The following CLEC5A variants were observed in gnomAD, a reference collection of about 807,000 sequenced individuals.
CLEC5A encodes the protein C-type lectin domain family 5 member A.
A neutral mutation model predicts 24.4 loss-of-function variants in CLEC5A; 15 were observed. The observed-to-expected ratio is 0.62, with a 90% CI of 0.41 to 0.95. The LOEUF is 0.95. Ranked by LOEUF, CLEC5A falls within the 40% of genes least tolerant of loss-of-function variation. The pLI, the probability that CLEC5A is intolerant of heterozygous loss-of-function variation, is 0.00. For missense variants in CLEC5A, 211 were observed against 224.0 expected, an observed-to-expected ratio of 0.94 and a Z score of 0.37; for synonymous variants, 71 against 72.6, an observed-to-expected ratio of 0.98 and a Z score of 0.11.
chr7:141,944,585 A>T (rs1802896280), intron 3 of CLEC5A, among the ~76,000 whole-genome samples: 1 of 152,128 alleles, frequency 6.6e-6, no homozygotes, highest in Non-Finnish European at 1.5e-5. Context: ...AGAAATCCAT[A>T]TAGGGGCCTC....
chr7:141,932,695 T>C (rs1423552510), intron 5 of CLEC5A, among the ~76,000 whole-genome samples: 1 of 152,206 alleles, frequency 6.6e-6, no homozygotes, highest in Non-Finnish European at 1.5e-5. Flanking sequence ...AACAAATATA[T>C]TTCTCCTCAA....
At chr7:141,932,043 G>C (rs1401004505) in intron 5 of CLEC5A, among the ~76,000 whole-genome samples, 1 of 152,166 alleles carries the variant, frequency 6.6e-6, no homozygotes, top group African/African-American at 2.4e-5. Flanking sequence ...ACAGACTGCT[G>C]GGCTCCTGGT....
intron 4 of CLEC5A, among the ~76,000 whole-genome samples, chr7:141,941,617 T>C (rs1022012655): frequency 6.6e-5 from 10 of 152,176 alleles, no homozygotes; most frequent in Middle Eastern, 3.4e-3. Context: ...GGCATCCAAA[T>C]TGGAAAGGAT....
rs1554441062 is a variant in CLEC5A, at chr7:141,936,120, CAAT to C, written c.209-173_209-171del. On this transcript the variant is annotated intron_variant, in intron 4 of 6. Coordinates refer to ENST00000546910, the MANE Select transcript of CLEC5A (RefSeq NM_013252.3). ...CACCCAGTCTAGTCTGGTTCCTTGACAATAATATAAGGAGAATAAGGAGAAGAG... is the reference window on the plus strand; with the variant it reads ...CACCCAGTCTAGTCTGGTTCCTTGACAATATAAGGAGAATAAGGAGAAGAG... 21 of 631,850 alleles carry C rather than the reference CAAT, an allele frequency of 3.3e-5. No homozygotes were observed. The Middle Eastern group carries it at 1.2e-3, about 35-fold the overall frequency. 39.1% of individuals were successfully genotyped at this position (631,850 alleles called of 1,614,324 possible).
At chr7:141,946,349 G>A (rs1227256618) in intron 1 of CLEC5A, 37 bp from the exon 2 acceptor site, 2 of 1,534,598 alleles carry the variant, frequency 1.3e-6, no homozygotes, top group South Asian at 1.2e-5. Flanking sequence ...CAGAATTCGG[G>A]TACAAGGCTG....
rs1802382231 is a variant in CLEC5A, at chr7:141,929,240, G to A, written c.*864C>T. The A allele has an allele frequency of 6.6e-6, 1 of 152,160 alleles. No individual in the cohort carries two copies. The highest frequency in any genetic ancestry group is 1.5e-5 in the Non-Finnish European group (1 of 68,064). 9.4% of individuals were successfully genotyped at this position (152,160 alleles called of 1,614,324 possible). A position where few individuals can be genotyped will look rare whatever the true frequency, so the allele number is the denominator to read the frequency against. On this transcript the variant is annotated 3_prime_UTR_variant, in exon 7 of 7. Coordinates refer to ENST00000546910, the MANE Select transcript of CLEC5A (RefSeq NM_013252.3). Reference sequence around the variant, plus strand: ...ATCAGGCTTTCTCCAGAACTGAAGGGATGAATATATTGTGATTATTGTTGC... The same window carrying A: ...ATCAGGCTTTCTCCAGAACTGAAGGAATGAATATATTGTGATTATTGTTGC...
At chr7:141,939,219 A>G (rs1195870161) in intron 4 of CLEC5A, among the ~76,000 whole-genome samples, 1 of 152,190 alleles carries the variant, frequency 6.6e-6, no homozygotes, top group Non-Finnish European at 1.5e-5. Flanking sequence ...ACTTTTCAAG[A>G]CATAGACAGT....
At position 141,945,358 on chromosome 7, in the gene CLEC5A, G is replaced by A; in HGVS notation, c.122C>T (p.Thr41Ile). 6.2e-7 allele frequency: 1 copy of A among 1,612,106 alleles called. No individual in the cohort carries two copies. The highest frequency in any genetic ancestry group is 8.5e-7 in the Non-Finnish European group (1 of 1,178,316). The change falls in exon 3 of 7, where the codon ACC becomes ATC. Residue 41 changes from threonine (T) to isoleucine (I), a missense_variant. Physicochemically the swap from Thr to Ile is moderately conservative, Grantham distance 89. Coordinates refer to ENST00000546910, the MANE Select transcript of CLEC5A (RefSeq NM_013252.3). ...FNKSNDGFTT[T>I]RSYGTVSQIF... The stretch of plus-strand genomic sequence containing the variant: ...CAGATTACCTGTTCCATAGCTCCTG[G>A]TGGTGGTGAAACCATCGTTACTTTT...
At position 141,931,795 on chromosome 7, in the gene CLEC5A, T is replaced by C. The variant is rs1554440411; in HGVS notation, c.377A>G (p.Lys126Arg). 2.5e-6 allele frequency: 4 copies of C among 1,604,808 alleles called. No homozygotes were observed. Among genetic ancestry groups the C allele is most frequent in the South Asian group, 2.2e-5 (2 of 90,684 alleles). ...ATGGTAAATTAAGCCAATAAAATAC[T>C]TCTCAGCATCAGTTATGTCCTGAAG... ...KFLQDITDAEKYFIGLIYHRE... is the reference protein window; with the variant it reads ...KFLQDITDAERYFIGLIYHRE... Residue 126 changes from lysine to arginine, a missense_variant, in exon 6 of 7, where the codon AAG becomes AGG. Coordinates refer to ENST00000546910, the MANE Select transcript of CLEC5A (RefSeq NM_013252.3).
At chr7:141,931,928 G>A (rs576650864) in intron 5 of CLEC5A, 102 bp from the exon 6 acceptor site, 2 of 598,340 alleles carry the variant, frequency 3.3e-6, no homozygotes, top group Non-Finnish European at 5.9e-6. Context: ...AGGAAGGCCG[G>A]TAGAGAACTC....
chr7:141,934,883 G>C (rs1802573246), intron 5 of CLEC5A, among the ~76,000 whole-genome samples: 1 of 152,072 alleles, frequency 6.6e-6, no homozygotes, highest in Non-Finnish European at 1.5e-5. Context: ...GATGTGTTTT[G>C]GTCAAGCAAA....
At chr7:141,936,126 T>C (rs1333283092) in intron 4 of CLEC5A, 176 bp from the exon 5 acceptor site, 3 of 621,788 alleles carry the variant, frequency 4.8e-6, no homozygotes, top group Non-Finnish European at 8.4e-6. Context: ...TTGACAATAA[T>C]ATAAGGAGAA....
intron 4 of CLEC5A, among the ~76,000 whole-genome samples, chr7:141,937,458 A>G (rs1802664781): frequency 6.6e-6 from 1 of 152,120 alleles, no homozygotes; most frequent in Non-Finnish European, 1.5e-5. Context: ...AGGGGAGGGA[A>G]GAGTGGAAAG....
chr7:141,936,029 T>A, intron 4 of CLEC5A, 79 bp from the exon 5 acceptor site: 4 of 1,202,732 alleles, frequency 3.3e-6, no homozygotes, highest in Non-Finnish European at 4.9e-6. Flanking sequence ...GAAACAGTGA[T>A]ACATATTTTT....
intron 4 of CLEC5A, among the ~76,000 whole-genome samples, chr7:141,940,468 AACC>A (rs1257976727): frequency 2.0e-5 from 3 of 151,776 alleles, no homozygotes; most frequent in Admixed American, 2.0e-4. Flanking sequence ...CATCAAAAAA[AACC>A]AAGAAAAAAT....
chr7:141,941,119 A>G (rs1802785005), intron 4 of CLEC5A, among the ~76,000 whole-genome samples: 1 of 152,084 alleles, frequency 6.6e-6, no homozygotes, highest in Non-Finnish European at 1.5e-5. Context: ...AGACTAAGAC[A>G]CATCAAAAAA....
rs1316771517 is a variant in CLEC5A, at chr7:141,935,842, A to C, written c.317T>G (p.Leu106Trp). 1.2e-6 allele frequency: 2 copies of C among 1,613,960 alleles called. No individual in the cohort carries two copies. Among genetic ancestry groups the C allele is most frequent in the African/African-American group, 1.3e-5 (1 of 74,930 alleles). Residue 106 changes from leucine (L) to tryptophan (W), a missense_variant, in exon 5 of 7, where the codon TTG becomes TGG. Coordinates refer to ENST00000546910, the MANE Select transcript of CLEC5A (RefSeq NM_013252.3). ...RDFCKGKGST[L>W]AIVNTPEKLK... ...TTTCTCTGGCGTGTTGACAATTGCC[A>C]ATGTGGATCCTTTTCCTTTGCAAAA...
chr7:141,936,082 C>T (rs1584847145), intron 4 of CLEC5A, 132 bp from the exon 5 acceptor site: 6 of 772,878 alleles, frequency 7.8e-6, no homozygotes, highest in East Asian at 2.7e-5. Context: ...ATTCTCCATC[C>T]AGGAAGAAAT....
rs996080780 is a variant in CLEC5A at position 141,927,888 on chromosome 7, A to G, written c.*2216T>C. On this transcript the variant is annotated 3_prime_UTR_variant, in exon 7 of 7. Transcript: ENST00000546910. ...CTAATGTCTAATGCCATTGAGATAC[A>G]TAGAGGAATGTTATTTAATATGTGC... 6.6e-6 allele frequency: 1 copy of G among 152,198 alleles called. No homozygotes were observed. The highest frequency in any genetic ancestry group is 2.4e-5 in the African/African-American group (1 of 41,446). The allele number at this position is 152,198 out of a possible 1,614,324, so 9.4% of individuals were successfully genotyped here.
Sources: gnomAD v4.1 joint callset for allele counts (sites outside exome capture counted in the v4.1 genomes callset) on GRCh38, gnomAD v4.1.1 for gene constraint, MANE v1.5 for transcripts, NCBI Gene and HGNC (gene_info 2026-07-23, HGNC 2026-07-21) for gene names.